Variants in ARHGEF10 observed in about 807,000 individuals in gnomAD.
ARHGEF10 encodes Rho guanine nucleotide exchange factor (GEF) 10.
ARHGEF10 carries 140 observed loss-of-function variants against 147.4 expected under a neutral mutation model. The ratio of observed to expected loss-of-function variants is 0.95; its 90% CI spans 0.83 to 1.09. The LOEUF (loss-of-function observed/expected upper bound fraction) is 1.09, where lower values mean the gene tolerates loss of function less well. Among genes scored for constraint, ARHGEF10 ranks in the 50% least tolerant of loss-of-function variants. ARHGEF10 has a pLI of 0.00. For missense variants in ARHGEF10, 2,222 were observed against 1,752.7 expected, an observed-to-expected ratio of 1.27 and a Z score of -4.78; for synonymous variants, 902 against 695.8, an observed-to-expected ratio of 1.30 and a Z score of -4.67.
intron 8 of ARHGEF10, among the ~76,000 whole-genome samples, chr8:1,879,595 C>G (rs1005755520): frequency 1.3e-5 from 2 of 151,758 alleles, no homozygotes; most frequent in Non-Finnish European, 2.9e-5. Context: ...CTCTGTCTGC[C>G]AGGCTGGAGG....
At chr8:1,855,377 A>G (rs1365869139) in intron 2 of ARHGEF10, among the ~76,000 whole-genome samples, 1 of 151,546 alleles carries the variant, frequency 6.6e-6, no homozygotes, top group Non-Finnish European at 1.5e-5. Context: ...GGGTGGTCAG[A>G]ACAGAAACTT....
intron 26 of ARHGEF10, among the ~76,000 whole-genome samples, chr8:1,938,658 G>T (rs1375553322): frequency 6.6e-6 from 1 of 152,168 alleles, no homozygotes; most frequent in Admixed American, 6.5e-5. Context: ...AGGCCTAAGC[G>T]GGCACGGTGG....
At chr8:1,856,994 G>A (rs545169378) in intron 2 of ARHGEF10, among the ~76,000 whole-genome samples, 32 of 152,298 alleles carry the variant, frequency 2.1e-4, no homozygotes, top group East Asian at 3.9e-4. Flanking sequence ...CTAGCACGCC[G>A]TCTCTGCAAA....
At chr8:1,880,942 AC>A (rs1439624796) in intron 9 of ARHGEF10, among the ~76,000 whole-genome samples, 1 of 152,050 alleles carries the variant, frequency 6.6e-6, no homozygotes, top group Non-Finnish European at 1.5e-5. Flanking sequence ...GAGCCGCGTT[AC>A]CCCCTCACAT....
intron 27 of ARHGEF10, 40 bp downstream of exon 27, chr8:1,945,695 C>T (rs760287861): frequency 3.6e-5 from 58 of 1,611,972 alleles, no homozygotes; most frequent in Admixed American, 5.0e-5. Context: ...GGACAGCAAC[C>T]GGGGACGGAC....
In ARHGEF10 at chr8:1,929,392, C is replaced by G; in HGVS notation, c.3028C>G (p.Leu1010Val). 2 of 1,613,372 alleles carry G rather than the reference C, an allele frequency of 1.2e-6. No homozygotes were observed. Among genetic ancestry groups the G allele is most frequent in the Non-Finnish European group, 1.7e-6 (2 of 1,180,022 alleles). ...GAGCCTGGCTTGCACGTCTCAGAGC[C>G]TGTACGCTGGCCTGGTCAACGGGGC... ...VMSLACTSQS[L>V]YAGLVNGAVA... Residue 1010 changes from leucine (L) to valine (V), a missense_variant, in exon 25 of 29, where the codon CTG becomes GTG. Physicochemically the swap from Leu to Val is conservative, Grantham distance 32. Transcript: ENST00000349830.
At chr8:1,943,043 C>A (rs577069254) in intron 26 of ARHGEF10, among the ~76,000 whole-genome samples, 1 of 152,310 alleles carries the variant, frequency 6.6e-6, no homozygotes, top group East Asian at 1.9e-4. Context: ...GGGTGAACTT[C>A]ATGATATGTG....
At chr8:1,873,998 G>C (rs1176607280) in intron 7 of ARHGEF10, among the ~76,000 whole-genome samples, 1 of 152,224 alleles carries the variant, frequency 6.6e-6, no homozygotes, top group Non-Finnish European at 1.5e-5. Flanking sequence ...GCGGGGCTAA[G>C]GGCCAACGAC....
chr8:1,928,438 C>CA lies in ARHGEF10; in HGVS notation c.2710dup (p.Thr904AsnfsTer21), dbSNP rs754868088. On this transcript the variant is annotated frameshift_variant, in exon 24 of 29. Coordinates refer to ENST00000349830, the MANE Select transcript of ARHGEF10 (RefSeq NM_014629.4). LOFTEE classifies it high-confidence loss of function. ...ATTCTCTGATTCAGATCGGAAGTTG[C>CA]ACCCATCAAATGGGTCAGATTGCCA... The CA allele has an allele frequency of 1.2e-6, 2 of 1,612,708 alleles. No homozygotes were observed. The highest frequency in any genetic ancestry group is 2.7e-5 in the African/African-American group (2 of 74,988).
rs141744150 is a variant in ARHGEF10, at chr8:1,896,520, T to C, written c.1557+71T>C. 9.5e-6 allele frequency: 10 copies of C among 1,050,288 alleles called. No homozygotes were observed. The African/African-American group carries it at 1.3e-4, about 13-fold the overall frequency. 65.1% of individuals were successfully genotyped at this position (1,050,288 alleles called of 1,614,324 possible). ...CAAGTTACATGTCAAAGCTTGACTCTGAATGCAGTTATTCGTTATTAAGAT... is the reference window on the plus strand; with the variant it reads ...CAAGTTACATGTCAAAGCTTGACTCCGAATGCAGTTATTCGTTATTAAGAT... On this transcript the variant is annotated intron_variant, in intron 14 of 28. Coordinates refer to ENST00000349830, the MANE Select transcript of ARHGEF10 (RefSeq NM_014629.4).
intron 10 of ARHGEF10, among the ~76,000 whole-genome samples, chr8:1,883,604 G>T (rs1808399767): frequency 6.6e-6 from 1 of 152,294 alleles, no homozygotes; most frequent in Non-Finnish European, 1.5e-5. Flanking sequence ...TCCTAATGAA[G>T]CCCTCGGCAT....
At position 1,860,204 on chromosome 8, in the gene ARHGEF10, C is replaced by T. The variant is rs753563787; in HGVS notation, c.481+20C>T. The T allele has an allele frequency of 1.2e-6, 2 of 1,608,452 alleles. No individual in the cohort carries two copies. Among genetic ancestry groups the T allele is most frequent in the South Asian group, 1.1e-5 (1 of 90,928 alleles). On this transcript the variant is annotated intron_variant, in intron 4 of 28. Coordinates refer to ENST00000349830, the MANE Select transcript of ARHGEF10 (RefSeq NM_014629.4). Reference sequence around the variant, plus strand: ...AAGAAGGTACTGCTACCCTCCTCTCCACGCCCCCGAAGTGGCCTGTGGTTC... The same window carrying T: ...AAGAAGGTACTGCTACCCTCCTCTCTACGCCCCCGAAGTGGCCTGTGGTTC...
At chr8:1,841,108 A>T (rs1339665749) in intron 1 of ARHGEF10, among the ~76,000 whole-genome samples, 1 of 152,206 alleles carries the variant, frequency 6.6e-6, no homozygotes, top group Non-Finnish European at 1.5e-5. Flanking sequence ...ACCCGCCCTC[A>T]GCTGTAGCCT....
At chr8:1,833,391 CAG>C (rs1585208554) in intron 1 of ARHGEF10, among the ~76,000 whole-genome samples, 1 of 110,606 alleles carries the variant, frequency 9.0e-6, no homozygotes, top group East Asian at 2.5e-4. Context: ...GGTGCAGCGA[CAG>C]GGGCAGAGAC....
In ARHGEF10 at chr8:1,908,144, G is replaced by A. The variant is rs1315984258; in HGVS notation, c.1968-1151G>A. On this transcript the variant is annotated intron_variant, in intron 17 of 28. Transcript: ENST00000349830. ...GGTGTAAGAAGGAACTGGAGAGCTT[G>A]GGTGCAGACGGGCTCCCAGCCAGTC... Among the ~76,000 whole-genome samples the A allele has an allele frequency of 2.0e-5, 3 of 151,968 alleles. No homozygotes were observed. In the East Asian group the frequency reaches 5.8e-4, roughly 29 times the overall value.
chr8:1,923,636 T>C, intron 20 of ARHGEF10, 41 bp downstream of exon 20: 1 of 1,614,152 alleles, frequency 6.2e-7, no homozygotes, highest in African/African-American at 1.3e-5. Flanking sequence ...TGGCCAATGC[T>C]GGGGAGAAAA....
At chr8:1,947,392 C>T (rs1029053199) in intron 27 of ARHGEF10, among the ~76,000 whole-genome samples, 2 of 152,194 alleles carry the variant, frequency 1.3e-5, no homozygotes, top group African/African-American at 2.4e-5. Flanking sequence ...GGAAATGCAG[C>T]GGCCCTGCAG....
At chr8:1,945,717 G>A (rs562308344) in intron 27 of ARHGEF10, 62 bp downstream of exon 27, 146 of 1,604,872 alleles carry the variant, frequency 9.1e-5, no homozygotes, top group Middle Eastern at 3.3e-4. Context: ...TGGGGGGTGC[G>A]GAGCGCTGTC....
chr8:1,842,788 G>C (rs541366295), intron 1 of ARHGEF10, among the ~76,000 whole-genome samples: 78 of 152,354 alleles, frequency 5.1e-4, no homozygotes, highest in African/African-American at 1.8e-3. Context: ...CCTCGAAGCA[G>C]GGAGGGAAAC....
Sources: gnomAD v4.1 joint callset for allele counts (sites outside exome capture counted in the v4.1 genomes callset) on GRCh38, gnomAD v4.1.1 for gene constraint, MANE v1.5 for transcripts, NCBI Gene and HGNC (gene_info 2026-07-23, HGNC 2026-07-21) for gene names.